NAALADL2: variants seen among roughly 807,000 people sequenced by gnomAD.
NAALADL2 encodes N-acetylated alpha-linked acidic dipeptidase like 2, also known as inactive N-acetylated-alpha-linked acidic dipeptidase-like protein 2.
Under a neutral mutation model 87.2 loss-of-function variants are expected in NAALADL2, and 76 were observed. That is an observed-to-expected ratio of 0.87 (90% CI 0.72 to 1.05). The LOEUF is 1.05. Ranked by LOEUF, NAALADL2 falls within the 50% of genes least tolerant of loss-of-function variation. NAALADL2 has a pLI of 0.00. For synonymous variants in NAALADL2, 354 were observed against 331.0 expected, an observed-to-expected ratio of 1.07 and a Z score of -0.75; for missense variants, 1,089 against 945.8, an observed-to-expected ratio of 1.15 and a Z score of -1.99.
chr3:175,094,968 T>C (rs1720871606), intron 1 of NAALADL2, among the ~76,000 whole-genome samples: 1 of 152,090 alleles, frequency 6.6e-6, no homozygotes, highest in Non-Finnish European at 1.5e-5. Context: ...TGCATCCTGA[T>C]GACAACACTA....
intron 2 of NAALADL2, among the ~76,000 whole-genome samples, chr3:174,607,820 T>C (rs1049120167): frequency 1.3e-5 from 2 of 152,056 alleles, no homozygotes; most frequent in African/African-American, 4.8e-5. Context: ...GTGGACCTAA[T>C]AGACATCTGC....
At chr3:175,017,203 T>C (rs181548705) in intron 1 of NAALADL2, among the ~76,000 whole-genome samples, 8 of 152,168 alleles carry the variant, frequency 5.3e-5, no homozygotes, top group Admixed American at 4.6e-4. Context: ...TTCATAGATA[T>C]ATAACTTAAT....
intron 3 of NAALADL2, among the ~76,000 whole-genome samples, chr3:174,795,681 C>T (rs937642509): frequency 7.9e-5 from 12 of 152,252 alleles, no homozygotes; most frequent in African/African-American, 2.4e-4. Context: ...CCAATCTCTC[C>T]ACATCTTCAC....
At chr3:175,088,407 GATATATTAACACTGCTTCCTAAAA>G in intron 1 of NAALADL2, among the ~76,000 whole-genome samples, 1 of 152,144 alleles carries the variant, frequency 6.6e-6, no homozygotes, top group Non-Finnish European at 1.5e-5. Context: ...ACAGTATCAT[GATATATTAACACTGCTTCCTAAAA>G]GAACAAGTAT....
intron 4 of NAALADL2, among the ~76,000 whole-genome samples, chr3:175,292,490 C>T (rs1218759665): frequency 6.6e-6 from 1 of 151,940 alleles, no homozygotes; most frequent in Non-Finnish European, 1.5e-5. Context: ...ATGCTTAACA[C>T]TTTGGTTTGG....
chr3:174,664,623 T>A (rs929290754), intron 2 of NAALADL2, among the ~76,000 whole-genome samples: 2 of 152,224 alleles, frequency 1.3e-5, no homozygotes, highest in Non-Finnish European at 2.9e-5. Flanking sequence ...TACCTACATA[T>A]GTTGTAGTGG....
intron 9 of NAALADL2, among the ~76,000 whole-genome samples, chr3:175,475,024 T>TACACACACACACAC (rs3040495): frequency 0.012 from 1,761 of 149,698 alleles, 16 homozygotes; most frequent in African/African-American, 0.024. Flanking sequence ...AACATTTAAG[T>TACACACACACACAC]ACACACACAC....
intron 4 of NAALADL2, among the ~76,000 whole-genome samples, chr3:175,268,116 CGTT>C (rs749686837): frequency 6.6e-6 from 1 of 152,028 alleles, no homozygotes; most frequent in African/African-American, 2.4e-5. Context: ...TAGATGATTT[CGTT>C]GTTGTTGTTG....
intron 4 of NAALADL2, among the ~76,000 whole-genome samples, chr3:175,295,687 T>C: frequency 6.7e-6 from 1 of 149,956 alleles, no homozygotes; most frequent in Non-Finnish European, 1.5e-5. Flanking sequence ...CATACTTCCC[T>C]ACTTAAAATC....
At chr3:174,884,106 G>A (rs991524657) in intron 1 of NAALADL2, among the ~76,000 whole-genome samples, 2 of 152,026 alleles carry the variant, frequency 1.3e-5, no homozygotes, top group Non-Finnish European at 2.9e-5. Flanking sequence ...TCCTGGTGGC[G>A]GCATTCCTCC....
rs1474644092 is a variant in NAALADL2, at chr3:175,362,369, T to A, written c.1090+38044T>A. ...ATGCGGGCTCTTTTTTGGTTCCATA[T>A]GAACTTTAAAGTAGTTTTTTCCATT... On this transcript the variant is annotated intron_variant, in intron 5 of 13. Transcript: ENST00000454872. Among the ~76,000 whole-genome samples the A allele has an allele frequency of 3.4e-5, 5 of 148,070 alleles. 1 individual carries two copies. The highest frequency in any genetic ancestry group is 2.2e-4 in the South Asian group (1 of 4,510).
At chr3:175,399,057 A>G (rs1581729926) in intron 5 of NAALADL2, among the ~76,000 whole-genome samples, 1 of 152,056 alleles carries the variant, frequency 6.6e-6, no homozygotes, top group African/African-American at 2.4e-5. Flanking sequence ...AAAATAAAAA[A>G]TAAAAAAAAG....
At chr3:175,018,352 C>T (rs1288997845) in intron 1 of NAALADL2, among the ~76,000 whole-genome samples, 1 of 151,932 alleles carries the variant, frequency 6.6e-6, no homozygotes, top group Non-Finnish European at 1.5e-5. Flanking sequence ...GCATTTTTTT[C>T]ATTAAGCAAA....
intron 1 of NAALADL2, among the ~76,000 whole-genome samples, chr3:174,990,548 A>C (rs1213034754): frequency 6.6e-6 from 1 of 152,144 alleles, no homozygotes; most frequent in African/African-American, 2.4e-5. Flanking sequence ...GGTGGTTTTA[A>C]ATAAGCATAG....
chr3:174,702,240 A>G (rs1439214000), intron 2 of NAALADL2, among the ~76,000 whole-genome samples: 2 of 152,148 alleles, frequency 1.3e-5, no homozygotes, highest in Non-Finnish European at 2.9e-5. Context: ...ATTTGTTCAA[A>G]TAATTTTTTT....
At chr3:175,170,913 A>G (rs1240926230) in intron 2 of NAALADL2, among the ~76,000 whole-genome samples, 8 of 151,930 alleles carry the variant, frequency 5.3e-5, no homozygotes, top group Non-Finnish European at 1.2e-4. Flanking sequence ...AGAGATTAAA[A>G]GGAAATATAC....
chr3:174,907,689 A>G (rs553233701), intron 1 of NAALADL2, among the ~76,000 whole-genome samples: 2 of 152,114 alleles, frequency 1.3e-5, no homozygotes, highest in East Asian at 1.9e-4. Flanking sequence ...TGTACTACCA[A>G]TGTTCAAAAG....
intron 10 of NAALADL2, chr3:175,581,117 G>A (rs1184937698): frequency 8.1e-6 from 3 of 369,106 alleles, no homozygotes; most frequent in East Asian, 8.7e-5. Context: ...GAAGAGTGAT[G>A]TTATCTTACA....
chr3:175,061,946 A>G (rs978828967), intron 1 of NAALADL2, among the ~76,000 whole-genome samples: 4 of 152,140 alleles, frequency 2.6e-5, no homozygotes, highest in African/African-American at 9.6e-5. Context: ...ACTGGAACTC[A>G]TACATTATGG....
Sources: allele counts gnomAD v4.1 joint callset (sites outside exome capture counted in the v4.1 genomes callset), GRCh38; gene constraint gnomAD v4.1.1; transcripts MANE v1.5; gene names NCBI Gene and HGNC (gene_info 2026-07-23, HGNC 2026-07-21).